The following SGCD variants were observed in gnomAD, a reference collection of about 807,000 sequenced individuals.
SGCD encodes the protein delta-sarcoglycan.
Under a neutral mutation model 36.6 loss-of-function variants are expected in SGCD, and 18 were observed. The ratio of observed to expected loss-of-function variants is 0.49; its 90% CI spans 0.34 to 0.73. The LOEUF is 0.73. Ranked by LOEUF, SGCD falls within the 30% of genes least tolerant of loss-of-function variation. The pLI is 0.01. For missense variants in SGCD, 387 were observed against 346.7 expected (o/e 1.12, Z -0.92); for synonymous variants, 133 against 130.6 (o/e 1.02, Z -0.12).
At chr5:156,395,330 G>A (rs1771791495) in intron 3 of SGCD, among the ~76,000 whole-genome samples, 1 of 152,200 alleles carries the variant, frequency 6.6e-6, no homozygotes, top group African/African-American at 2.4e-5. Context: ...GGCTTTCTCT[G>A]GTTGGTCCTA....
At position 156,575,047 on chromosome 5, in the gene SGCD, A is replaced by T. The variant is rs190695954; in HGVS notation, c.295-14184A>T. 4.5e-3 allele frequency among the ~76,000 whole-genome samples: 690 copies of T among 152,312 alleles called. 4 individuals carry two copies. Among genetic ancestry groups the T allele is most frequent in the African/African-American group, 0.014 (574 of 41,582 alleles). ...CACTGCAAGGCCAAGAACACCTTGC[A>T]TGGAAGAGCCCTGTTTGCAAATGTG... On this transcript the variant is annotated intron_variant, in intron 4 of 8. Coordinates refer to ENST00000337851, the MANE Select transcript of SGCD (RefSeq NM_000337.6).
intron 6 of SGCD, among the ~76,000 whole-genome samples, chr5:156,614,335 G>A (rs895167772): frequency 6.6e-6 from 1 of 152,218 alleles, no homozygotes; most frequent in Non-Finnish European, 1.5e-5. Flanking sequence ...ACATGGCAGA[G>A]TCAGGATCTA....
intron 3 of SGCD, among the ~76,000 whole-genome samples, chr5:156,144,456 T>A (rs1226552966): frequency 1.3e-5 from 2 of 152,176 alleles, no homozygotes; most frequent in South Asian, 2.1e-4. Flanking sequence ...GGTATCTCAT[T>A]GTGGTTTTGA....
At chr5:156,575,470 A>C (rs1269117686) in intron 4 of SGCD, among the ~76,000 whole-genome samples, 2 of 152,206 alleles carry the variant, frequency 1.3e-5, no homozygotes, top group Non-Finnish European at 2.9e-5. Context: ...TGCTAGTCCT[A>C]TCTTTGCAAT....
chr5:156,186,990 T>C (rs1007038939), intron 3 of SGCD, among the ~76,000 whole-genome samples: 3 of 152,190 alleles, frequency 2.0e-5, no homozygotes, highest in African/African-American at 7.2e-5. Flanking sequence ...GTACCTCTTT[T>C]TTTCTTTTCA....
intron 1 of SGCD, among the ~76,000 whole-genome samples, chr5:155,896,442 C>T (rs1474598133): frequency 6.9e-6 from 1 of 144,906 alleles, no homozygotes; most frequent in Non-Finnish European, 1.5e-5. Context: ...TTGAGACCAG[C>T]CTGGGCAACA....
intron 3 of SGCD, among the ~76,000 whole-genome samples, chr5:156,226,204 T>C (rs1320139379): frequency 6.6e-6 from 1 of 152,096 alleles, no homozygotes; most frequent in Non-Finnish European, 1.5e-5. Context: ...TGTAGTCTTT[T>C]ATCCCTCACC....
intron 3 of SGCD, among the ~76,000 whole-genome samples, chr5:156,182,163 T>G (rs1301714808): frequency 6.6e-6 from 1 of 152,166 alleles, no homozygotes; most frequent in Non-Finnish European, 1.5e-5. Context: ...TATATGGAAA[T>G]GCAGAGCCAG....
At position 156,160,607 on chromosome 5, in the gene SGCD, G is replaced by A. The variant is rs188272217; in HGVS notation, c.-44+36588G>A. Among the ~76,000 whole-genome samples, 83 of 151,786 alleles carry A rather than the reference G, an allele frequency of 5.5e-4. 4 individuals are homozygous for A. The highest frequency in any genetic ancestry group is 1.9e-3 in the African/African-American group (78 of 41,126). On this transcript the variant is annotated intron_variant, in intron 3 of 9. Transcript: ENST00000517913. ...CTAAGAGGAAGCATTTTTATTTTAA[G>A]ATTTTGAGGAAGAAATTGCACATAT...
chr5:156,430,926 A>C (rs745922638), intron 3 of SGCD, among the ~76,000 whole-genome samples: 2 of 152,112 alleles, frequency 1.3e-5, no homozygotes, highest in Non-Finnish European at 2.9e-5. Flanking sequence ...TTTTCCCAGT[A>C]TTTTATTGAC....
intron 2 of SGCD, among the ~76,000 whole-genome samples, chr5:156,337,572 TATC>T (rs1216682687): frequency 1.3e-5 from 2 of 152,172 alleles, no homozygotes; most frequent in East Asian, 3.9e-4. Context: ...CACTCCCAAG[TATC>T]ATCTTAATTG....
At chr5:156,377,048 T>C (rs1770709610) in intron 3 of SGCD, among the ~76,000 whole-genome samples, 1 of 152,010 alleles carries the variant, frequency 6.6e-6, no homozygotes, top group Non-Finnish European at 1.5e-5. Context: ...TTGAAACCAC[T>C]AAAATGAAAA....
At chr5:155,980,474 G>T (rs931329250) in intron 1 of SGCD, among the ~76,000 whole-genome samples, 2 of 151,506 alleles carry the variant, frequency 1.3e-5, no homozygotes, top group Admixed American at 1.3e-4. Flanking sequence ...TGTAGACCCA[G>T]CTACTCAGGA....
In SGCD at chr5:156,489,235, C is replaced by A. The variant is rs867553658; in HGVS notation, c.193-19366C>A. Among the ~76,000 whole-genome samples, 97 of 151,960 alleles carry A rather than the reference C, an allele frequency of 6.4e-4. 1 individual carries two copies. The highest frequency in any genetic ancestry group is 2.2e-3 in the African/African-American group (91 of 41,502). On this transcript the variant is annotated intron_variant, in intron 3 of 8. Transcript: ENST00000337851. ...GTATCTAGGTAATATATATATAAAG[C>A]AAATATTATTGGATCTAAAGAGAAA... is the stretch of plus-strand genomic sequence containing the variant.
At chr5:156,062,364 GC>G (rs1237687138) in intron 1 of SGCD, among the ~76,000 whole-genome samples, 4 of 39,904 alleles carry the variant, frequency 1.0e-4, no homozygotes, top group African/African-American at 8.7e-4. Flanking sequence ...CCAAGTCTTT[GC>G]TATTGTGAAT....
At position 156,608,089 on chromosome 5, in the gene SGCD, T is replaced by C. The variant is rs187392764; in HGVS notation, c.502+13038T>C. ...GTTATTTCTTGCCTTCTGCTAGTTT[T>C]TGAATGTGTTTGCTCTTGCTTCTCT... On this transcript the variant is annotated intron_variant, in intron 6 of 8. Transcript: ENST00000337851. 2.0e-3 allele frequency among the ~76,000 whole-genome samples: 308 copies of C among 152,326 alleles called. 1 individual carries two copies. The highest frequency in any genetic ancestry group is 7.1e-3 in the African/African-American group (295 of 41,564).
intron 3 of SGCD, among the ~76,000 whole-genome samples, chr5:156,186,481 A>G (rs1835919): frequency 0.19 from 28,192 of 152,152 alleles, 3,631 homozygotes; most frequent in East Asian, 0.6. Flanking sequence ...CTCCTCCTCA[A>G]ATATTAGCTA....
At chr5:155,998,463 G>T (rs1758599575) in intron 1 of SGCD, among the ~76,000 whole-genome samples, 1 of 152,150 alleles carries the variant, frequency 6.6e-6, no homozygotes, top group African/African-American at 2.4e-5. Context: ...GCTGACTAGG[G>T]TAATTTTCCC....
chr5:156,742,024 C>A (rs555048732), intron 7 of SGCD, among the ~76,000 whole-genome samples: 1 of 152,182 alleles, frequency 6.6e-6, no homozygotes, highest in African/African-American at 2.4e-5. Context: ...AACAGGCACC[C>A]ACCACCACGC....
Sources: gnomAD v4.1 joint callset for allele counts (sites outside exome capture counted in the v4.1 genomes callset) on GRCh38, gnomAD v4.1.1 for gene constraint, MANE v1.5 for transcripts, NCBI Gene and HGNC (gene_info 2026-07-23, HGNC 2026-07-21) for gene names.